The following CARD19 variants were observed in gnomAD, a reference collection of about 807,000 sequenced individuals.
CARD19 encodes caspase recruitment domain-containing protein 19.
CARD19 carries 25 observed loss-of-function variants against 24.1 expected under a neutral mutation model. The ratio of observed to expected loss-of-function variants is 1.04; its 90% confidence interval spans 0.76 to 1.45. CARD19 has a LOEUF of 1.45. Among genes scored for constraint, CARD19 ranks in the 40% most tolerant of loss-of-function variants. The pLI, the probability that CARD19 is intolerant of heterozygous loss-of-function variation, is 0.00. For synonymous variants in CARD19, 103 were observed against 104.9 expected, an observed-to-expected ratio of 0.98 and a Z score of 0.11; for missense variants, 241 against 247.4, an observed-to-expected ratio of 0.97 and a Z score of 0.17.
intron 1 of CARD19, among the ~76,000 whole-genome samples, chr9:93,098,685 A>G (rs1826968994): frequency 6.6e-6 from 1 of 152,196 alleles, no homozygotes. Context: ...AACCACAGGA[A>G]GCACAGGACC....
chr9:93,112,902 G>C (rs1243260190), intron 5 of CARD19, 90 bp from the exon 6 acceptor site: 2 of 864,246 alleles, frequency 2.3e-6, no homozygotes, highest in East Asian at 5.5e-5. Flanking sequence ...CCCAGTGCCT[G>C]TTCCCACCCA....
chr9:93,113,109 A>G lies in CARD19; in HGVS notation c.*2A>G, dbSNP rs767301577. 1.9e-5 allele frequency: 30 copies of G among 1,557,506 alleles called. No homozygotes were observed. The African/African-American group carries it at 3.8e-4, about 20-fold the overall frequency. ...GCAGATGACCTAGGGGGGCTCTGAC[A>G]GACCCTGGACCCAGGGCCTCACCTG... On this transcript the variant is annotated 3_prime_UTR_variant, in exon 6 of 6. Coordinates refer to ENST00000375464, the MANE Select transcript of CARD19 (RefSeq NM_032310.5).
rs1339468025 is a variant in CARD19, at chr9:93,113,128, T to C, written c.*21T>C. ...TCTGACAGACCCTGGACCCAGGGCCTCACCTGCCACTCAACCAAAGAGTCC... is the reference window on the plus strand; with the variant it reads ...TCTGACAGACCCTGGACCCAGGGCCCCACCTGCCACTCAACCAAAGAGTCC... On this transcript the variant is annotated 3_prime_UTR_variant, in exon 6 of 6. Coordinates refer to ENST00000375464, the MANE Select transcript of CARD19 (RefSeq NM_032310.5). The C allele has an allele frequency of 1.3e-6, 2 of 1,493,760 alleles. No homozygotes were observed. Among genetic ancestry groups the C allele is most frequent in the Non-Finnish European group, 1.8e-6 (2 of 1,103,976 alleles). 92.5% of individuals were successfully genotyped at this position (1,493,760 alleles called of 1,614,324 possible).
At chr9:93,103,583 A>G (rs1358035804) in intron 1 of CARD19, among the ~76,000 whole-genome samples, 2 of 152,056 alleles carry the variant, frequency 1.3e-5, no homozygotes, top group Admixed American at 1.3e-4. Context: ...TAGAGTGCCA[A>G]CTCTATGGCC....
intron 2 of CARD19, among the ~76,000 whole-genome samples, chr9:93,108,505 G>C (rs781513105): frequency 3.3e-5 from 5 of 151,996 alleles, no homozygotes; most frequent in Non-Finnish European, 7.4e-5. Context: ...TGGACACCGA[G>C]AGCCCCTGCC....
intron 1 of CARD19, among the ~76,000 whole-genome samples, chr9:93,105,117 C>T (rs1348922551): frequency 6.6e-6 from 1 of 151,982 alleles, no homozygotes; most frequent in Non-Finnish European, 1.5e-5. Flanking sequence ...TTTTCCCTCT[C>T]AGCATTGTTT....
intron 3 of CARD19, chr9:93,111,317 G>C (rs1827475326): frequency 8.8e-7 from 1 of 1,133,574 alleles, no homozygotes. Flanking sequence ...GAGCTGCTGG[G>C]ATGTGGGGGG....
At chr9:93,101,317 G>A (rs535522188) in intron 1 of CARD19, among the ~76,000 whole-genome samples, 18 of 152,272 alleles carry the variant, frequency 1.2e-4, no homozygotes, top group African/African-American at 2.2e-4. Context: ...GACCCCAAGC[G>A]ATCTGCCCAC....
intron 1 of CARD19, among the ~76,000 whole-genome samples, chr9:93,098,132 C>A (rs541427844): frequency 6.6e-6 from 1 of 152,276 alleles, no homozygotes; most frequent in Non-Finnish European, 1.5e-5. Context: ...TGGGCTGTGC[C>A]GGGGAGTGAG....
At chr9:93,102,288 G>A (rs912458619) in intron 1 of CARD19, among the ~76,000 whole-genome samples, 4 of 152,052 alleles carry the variant, frequency 2.6e-5, no homozygotes, top group African/African-American at 9.7e-5. Flanking sequence ...GCATTTTTTT[G>A]TGTGCTTGAT....
intron 4 of CARD19, 133 bp from the exon 5 acceptor site, chr9:93,112,083 CCT>C (rs755191291): frequency 2.5e-4 from 341 of 1,337,926 alleles, no homozygotes; most frequent in Admixed American, 8.0e-4. Flanking sequence ...AGACCCCCCC[CCT>C]AAGGTGCTCG....
chr9:93,098,013 T>TG (rs1175269223), intron 1 of CARD19, among the ~76,000 whole-genome samples: 1 of 152,236 alleles, frequency 6.6e-6, no homozygotes, highest in Non-Finnish European at 1.5e-5. Context: ...ATGCACCAAC[T>TG]GGGGTCCTGC....
intron 3 of CARD19, 48 bp from the exon 4 acceptor site, chr9:93,111,831 C>G: frequency 6.3e-7 from 1 of 1,596,836 alleles, no homozygotes; most frequent in Non-Finnish European, 8.6e-7. Context: ...CTACCTTGCC[C>G]TCCGGCCCTG....
chr9:93,102,152 G>C (rs755321377), intron 1 of CARD19, among the ~76,000 whole-genome samples: 5 of 151,906 alleles, frequency 3.3e-5, no homozygotes, highest in Non-Finnish European at 7.4e-5. Flanking sequence ...AGTAGAGACA[G>C]GGTTTCTCCA....
intron 2 of CARD19, among the ~76,000 whole-genome samples, chr9:93,109,614 A>G (rs1827386106): frequency 6.6e-6 from 1 of 151,652 alleles, no homozygotes; most frequent in Non-Finnish European, 1.5e-5. Context: ...TTAAACATGC[A>G]CCATCATGCC....
intron 1 of CARD19, among the ~76,000 whole-genome samples, chr9:93,105,885 C>T (rs558910454): frequency 5.7e-4 from 87 of 152,218 alleles, no homozygotes; most frequent in Admixed American, 1.2e-3. Flanking sequence ...TCTAGTGGTT[C>T]TGTCTCTTAC....
intron 2 of CARD19, among the ~76,000 whole-genome samples, chr9:93,109,618 T>C (rs1327521446): frequency 6.6e-6 from 1 of 151,860 alleles, no homozygotes; most frequent in Non-Finnish European, 1.5e-5. Flanking sequence ...ACATGCACCA[T>C]CATGCCCAGT....
chr9:93,106,588 A>AAC (rs1554753897), intron 1 of CARD19, among the ~76,000 whole-genome samples: 2 of 151,676 alleles, frequency 1.3e-5, no homozygotes, highest in African/African-American at 4.9e-5. Flanking sequence ...AAAAAAAAAA[A>AAC]AACAAAGTTT....
chr9:93,099,986 G>A (rs1564205617), intron 1 of CARD19, among the ~76,000 whole-genome samples: 2 of 152,224 alleles, frequency 1.3e-5, no homozygotes, highest in Non-Finnish European at 2.9e-5. Flanking sequence ...GGTTTGCTTG[G>A]TGAATGCCAG....
Sources: allele counts gnomAD v4.1 joint callset (sites outside exome capture counted in the v4.1 genomes callset), GRCh38; gene constraint gnomAD v4.1.1; transcripts MANE v1.5; gene names NCBI Gene and HGNC (gene_info 2026-07-23, HGNC 2026-07-21).